RTN1: variants seen among roughly 807,000 people sequenced by gnomAD.
RTN1 encodes reticulon 1.
Under a neutral mutation model 65.5 loss-of-function variants are expected in RTN1, and 25 were observed. That is an observed-to-expected ratio of 0.38 (90% CI 0.28 to 0.53). The LOEUF is 0.53. Ranked by LOEUF, RTN1 falls within the 20% of genes least tolerant of loss-of-function variation. The pLI, the probability that RTN1 is intolerant of heterozygous loss-of-function variation, is 0.79. For missense variants in RTN1, 983 were observed against 1,025.4 expected (o/e 0.96, Z 0.57); for synonymous variants, 471 against 447.6 (o/e 1.05, Z -0.66).
chr14:59,655,165 G>A (rs1403227389), intron 3 of RTN1, among the ~76,000 whole-genome samples: 1 of 151,996 alleles, frequency 6.6e-6, no homozygotes, highest in Non-Finnish European at 1.5e-5. Flanking sequence ...CACTAGCAGT[G>A]AACAATAAAA....
intron 1 of RTN1, among the ~76,000 whole-genome samples, chr14:59,805,406 G>C (rs762532978): frequency 1.3e-5 from 2 of 152,154 alleles, no homozygotes; most frequent in Non-Finnish European, 2.9e-5. Context: ...AGAGAGAGTT[G>C]TGACCAGCCT....
chr14:59,666,675 A>T (rs1785380421), intron 3 of RTN1, among the ~76,000 whole-genome samples: 1 of 152,148 alleles, frequency 6.6e-6, no homozygotes, highest in South Asian at 2.1e-4. Flanking sequence ...CAAAAGATCA[A>T]CAAAATTGAT....
chr14:59,808,419 C>A (rs1886673695), intron 1 of RTN1, among the ~76,000 whole-genome samples: 1 of 152,192 alleles, frequency 6.6e-6, no homozygotes, highest in African/African-American at 2.4e-5. Flanking sequence ...TCAAACTTTG[C>A]ACTTGAATAA....
intron 1 of RTN1, among the ~76,000 whole-genome samples, chr14:59,750,054 A>ATATACATATATTATATATTATATAT: frequency 2.0e-5 from 1 of 51,278 alleles, no homozygotes; most frequent in African/African-American, 8.2e-5. Context: ...ATATTATATT[A>ATATACATATATTATATATTATATAT]TATACATATA....
intron 1 of RTN1, among the ~76,000 whole-genome samples, chr14:59,852,317 A>C (rs1887523802): frequency 6.6e-6 from 1 of 152,192 alleles, no homozygotes; most frequent in Non-Finnish European, 1.5e-5. Context: ...ACTTTTTAAA[A>C]TATCATATGC....
intron 4 of RTN1, chr14:59,606,236 C>T (rs1471459016): frequency 6.6e-6 from 1 of 151,004 alleles, no homozygotes; most frequent in Non-Finnish European, 1.5e-5. Flanking sequence ...TGTTATCTAC[C>T]TAGAGGATAT....
chr14:59,684,538 C>T (rs143910391), intron 3 of RTN1, among the ~76,000 whole-genome samples: 2 of 152,096 alleles, frequency 1.3e-5, no homozygotes, highest in East Asian at 3.9e-4. Flanking sequence ...AAATCCCCTA[C>T]CACTCAACAG....
At chr14:59,654,397 C>G (rs1411277816) in intron 3 of RTN1, among the ~76,000 whole-genome samples, 3 of 145,746 alleles carry the variant, frequency 2.1e-5, no homozygotes, top group Non-Finnish European at 4.5e-5. Flanking sequence ...CCACGGCACT[C>G]CAGCCTGGGT....
chr14:59,769,880 G>A (rs989501456), intron 1 of RTN1, among the ~76,000 whole-genome samples: 4 of 152,128 alleles, frequency 2.6e-5, no homozygotes, highest in African/African-American at 7.2e-5. Context: ...TGTGGGACAA[G>A]GAAGAATTTC....
chr14:59,692,696 A>C (rs983826914), intron 3 of RTN1, among the ~76,000 whole-genome samples: 7 of 152,226 alleles, frequency 4.6e-5, no homozygotes, highest in African/African-American at 1.4e-4. Flanking sequence ...ACAGCATGGT[A>C]CTGGCACAAA....
At chr14:59,684,421 A>T (rs545715491) in intron 3 of RTN1, among the ~76,000 whole-genome samples, 1 of 152,048 alleles carries the variant, frequency 6.6e-6, no homozygotes, top group Non-Finnish European at 1.5e-5. Flanking sequence ...TCTAAAATTT[A>T]TGGCAATAAA....
chr14:59,713,803 G>C (rs1884474147), intron 3 of RTN1, among the ~76,000 whole-genome samples: 1 of 152,138 alleles, frequency 6.6e-6, no homozygotes, highest in African/African-American at 2.4e-5. Flanking sequence ...CTTGAAGACA[G>C]AACTGTCTTT....
intron 3 of RTN1, among the ~76,000 whole-genome samples, chr14:59,651,799 T>C (rs1883025970): frequency 6.6e-6 from 1 of 152,076 alleles, no homozygotes; most frequent in African/African-American, 2.4e-5. Flanking sequence ...AAAGATTTCA[T>C]GATGAAATCA....
intron 1 of RTN1, among the ~76,000 whole-genome samples, chr14:59,845,712 C>G (rs1362592500): frequency 6.6e-6 from 1 of 152,172 alleles, no homozygotes; most frequent in Non-Finnish European, 1.5e-5. Context: ...AAAATCTTGT[C>G]ATGCATAGAA....
chr14:59,841,717 A>C (rs11622594), intron 1 of RTN1, among the ~76,000 whole-genome samples: 33,120 of 112,564 alleles, frequency 0.29, 4,001 homozygotes, highest in East Asian at 0.58. Flanking sequence ...AAAAAAAAAC[A>C]AAAAAAAAAA....
At chr14:59,651,224 A>G (rs1566672934) in intron 3 of RTN1, among the ~76,000 whole-genome samples, 2 of 152,200 alleles carry the variant, frequency 1.3e-5, no homozygotes, top group Non-Finnish European at 2.9e-5. Flanking sequence ...GAGCTCAGAA[A>G]TAAGGCCACA....
intron 3 of RTN1, among the ~76,000 whole-genome samples, chr14:59,669,856 G>A (rs1247647083): frequency 2.0e-5 from 3 of 152,260 alleles, no homozygotes; most frequent in Non-Finnish European, 2.9e-5. Flanking sequence ...ACTCACTAAG[G>A]TTCAGTAGCA....
chr14:59,853,443 A>G (rs1302797382), intron 1 of RTN1, among the ~76,000 whole-genome samples: 4 of 152,112 alleles, frequency 2.6e-5, no homozygotes, highest in Non-Finnish European at 5.9e-5. Context: ...ACAACCCTTC[A>G]TGTATTTTTA....
At chr14:59,761,986 A>G (rs1247259947) in intron 1 of RTN1, among the ~76,000 whole-genome samples, 1 of 152,202 alleles carries the variant, frequency 6.6e-6, no homozygotes, top group African/African-American at 2.4e-5. Context: ...GGAACACGAC[A>G]TGGCAGACAA....
Sources: allele counts gnomAD v4.1 joint callset (sites outside exome capture counted in the v4.1 genomes callset), GRCh38; gene constraint gnomAD v4.1.1; transcripts MANE v1.5; gene names NCBI Gene and HGNC (gene_info 2026-07-23, HGNC 2026-07-21).